EYS: variants seen among roughly 807,000 people sequenced by gnomAD.
EYS encodes the protein EGF-like photoreceptor maintenance factor.
A neutral mutation model predicts 282.1 loss-of-function variants in EYS; 250 were observed. That is an observed-to-expected ratio of 0.89 (90% confidence interval 0.80 to 0.98). The LOEUF is 0.98. EYS is among the 50% of genes least tolerant of loss of function. The pLI is 0.00. For missense variants in EYS, 4,016 were observed against 3,709.0 expected (o/e 1.08, Z -2.15); for synonymous variants, 1,355 against 1,282.9 (o/e 1.06, Z -1.20).
chr6:64,741,278 T>C (rs1243202183), intron 22 of EYS, among the ~76,000 whole-genome samples: 3 of 152,148 alleles, frequency 2.0e-5, no homozygotes, highest in African/African-American at 7.2e-5. Flanking sequence ...GTCAATAATA[T>C]TTTTAATTTT....
At chr6:64,696,611 C>T (rs779978646) in intron 22 of EYS, among the ~76,000 whole-genome samples, 11 of 152,096 alleles carry the variant, frequency 7.2e-5, no homozygotes, top group Admixed American at 1.3e-4. Flanking sequence ...AAGAGAAAAG[C>T]GTCTCATTGC....
At chr6:65,539,851 T>C (rs552374049) in intron 2 of EYS, among the ~76,000 whole-genome samples, 15 of 152,306 alleles carry the variant, frequency 9.8e-5, no homozygotes, top group African/African-American at 2.9e-4. Context: ...CTCTGAAGTA[T>C]AGTCCTTCAA....
chr6:64,188,776 C>T (rs1002266019), intron 31 of EYS, among the ~76,000 whole-genome samples: 3 of 152,066 alleles, frequency 2.0e-5, no homozygotes, highest in East Asian at 1.9e-4. Flanking sequence ...AATAAATGAA[C>T]GTGTATGCGT....
At chr6:64,022,370 TA>T (rs1467065362) in intron 33 of EYS, among the ~76,000 whole-genome samples, 1 of 152,222 alleles carries the variant, frequency 6.6e-6, no homozygotes, top group African/African-American at 2.4e-5. Flanking sequence ...TCATGGGAGA[TA>T]TTTTTTTTCT....
intron 1 of EYS, among the ~76,000 whole-genome samples, chr6:65,656,154 G>A (rs9918344): frequency 0.16 from 23,921 of 151,662 alleles, 2,042 homozygotes; most frequent in South Asian, 0.3. Flanking sequence ...ACCCACTGGC[G>A]ATTCCCTCTT....
At chr6:64,120,592 T>C (rs77796246) in intron 31 of EYS, among the ~76,000 whole-genome samples, 7,424 of 151,994 alleles carry the variant, frequency 0.049, 554 homozygotes, top group African/African-American at 0.16. Context: ...TCCTGATAGG[T>C]TTCTTTAAGC....
chr6:64,299,648 A>G (rs1769164930), intron 30 of EYS, among the ~76,000 whole-genome samples: 1 of 152,238 alleles, frequency 6.6e-6, no homozygotes, highest in Non-Finnish European at 1.5e-5. Context: ...CTCAACAGAA[A>G]CAGTACATAA....
In EYS at chr6:65,169,725, C is replaced by T. The variant is rs979627460; in HGVS notation, c.2024-111998G>A. Among the ~76,000 whole-genome samples, 5 of 151,400 alleles carry T rather than the reference C, an allele frequency of 3.3e-5. 1 individual carries two copies. The highest frequency in any genetic ancestry group is 1.2e-4 in the African/African-American group (5 of 41,338). On this transcript the variant is annotated intron_variant, in intron 12 of 42. Transcript: ENST00000503581. ...CTTCTACCTAACTACAGTATCCAAA[C>T]TTATGCTAAATAAATTATTTTACAT...
intron 1 of EYS, among the ~76,000 whole-genome samples, chr6:65,703,381 T>C (rs12173774): frequency 0.085 from 12,946 of 152,170 alleles, 816 homozygotes; most frequent in East Asian, 0.33. Context: ...ATTCTTTTTT[T>C]ATAAATTTAA....
chr6:64,195,349 C>T (rs1765253474), intron 31 of EYS, among the ~76,000 whole-genome samples: 1 of 152,192 alleles, frequency 6.6e-6, no homozygotes, highest in Non-Finnish European at 1.5e-5. Context: ...GTCACCCAGG[C>T]TGGTGTGCAG....
At chr6:64,031,429 G>A (rs545357400) in intron 33 of EYS, among the ~76,000 whole-genome samples, 380 of 152,262 alleles carry the variant, frequency 2.5e-3, no homozygotes, top group African/African-American at 8.2e-3. Context: ...GCTCCTGTGC[G>A]GCCCAAGCCT....
At chr6:63,886,493 T>G (rs1416705140) in intron 35 of EYS, among the ~76,000 whole-genome samples, 2 of 152,200 alleles carry the variant, frequency 1.3e-5, no homozygotes, top group Non-Finnish European at 2.9e-5. Flanking sequence ...GTTAAACGTT[T>G]GGAACATTTC....
At chr6:64,215,889 A>T (rs1229121104) in intron 31 of EYS, among the ~76,000 whole-genome samples, 1 of 152,178 alleles carries the variant, frequency 6.6e-6, no homozygotes. Context: ...TTCCAAGCAA[A>T]ACTGATAATT....
At chr6:64,390,359 G>A (rs1773075376) in intron 28 of EYS, among the ~76,000 whole-genome samples, 1 of 152,156 alleles carries the variant, frequency 6.6e-6, no homozygotes, top group African/African-American at 2.4e-5. Flanking sequence ...AACCTCTGCA[G>A]ACTTAAATGT....
chr6:65,527,059 T>G (rs1767595829), intron 2 of EYS, among the ~76,000 whole-genome samples: 1 of 152,144 alleles, frequency 6.6e-6, no homozygotes, highest in Non-Finnish European at 1.5e-5. Context: ...ACTTAAAAAT[T>G]TCCATGTCTG....
chr6:64,273,897 A>G (rs891378686), intron 30 of EYS, among the ~76,000 whole-genome samples: 3 of 152,152 alleles, frequency 2.0e-5, no homozygotes, highest in Admixed American at 6.5e-5. Context: ...TTTTTGGTTA[A>G]GTGTATTTCC....
chr6:65,203,872 A>AT (rs1409140123), intron 12 of EYS, among the ~76,000 whole-genome samples: 1 of 151,772 alleles, frequency 6.6e-6, no homozygotes, highest in African/African-American at 2.4e-5. Flanking sequence ...AAATAGATAT[A>AT]TTTTTTAAAT....
intron 2 of EYS, among the ~76,000 whole-genome samples, chr6:65,517,724 A>G (rs1158789845): frequency 2.6e-5 from 4 of 152,078 alleles, no homozygotes; most frequent in Non-Finnish European, 4.4e-5. Context: ...ATTTCAACCA[A>G]GTAAAGGTAA....
intron 2 of EYS, among the ~76,000 whole-genome samples, chr6:65,515,971 A>G (rs1370168370): frequency 6.6e-6 from 1 of 152,014 alleles, no homozygotes; most frequent in African/African-American, 2.4e-5. Context: ...TCTTCAATAT[A>G]CTAAAGCTCT....
Sources: gnomAD v4.1 joint callset for allele counts (sites outside exome capture counted in the v4.1 genomes callset) on GRCh38, gnomAD v4.1.1 for gene constraint, MANE v1.5 for transcripts, NCBI Gene and HGNC (gene_info 2026-07-23, HGNC 2026-07-21) for gene names.